DGKB: variants seen among roughly 807,000 people sequenced by gnomAD.
DGKB encodes diacylglycerol kinase beta.
DGKB carries 67 observed loss-of-function variants against 114.3 expected under a neutral mutation model. The ratio of observed to expected loss-of-function variants is 0.59; its 90% CI spans 0.48 to 0.72. The LOEUF (loss-of-function observed/expected upper bound fraction) is 0.72. Among genes scored for constraint, DGKB ranks in the 30% least tolerant of loss-of-function variants. The pLI is 0.00. For missense variants in DGKB, 907 were observed against 975.2 expected, an observed-to-expected ratio of 0.93 and a Z score of 0.93; for synonymous variants, 398 against 323.1, an observed-to-expected ratio of 1.23 and a Z score of -2.49.
At chr7:14,423,569 A>T (rs1827053864) in intron 21 of DGKB, among the ~76,000 whole-genome samples, 1 of 152,078 alleles carries the variant, frequency 6.6e-6, no homozygotes, top group Non-Finnish European at 1.5e-5. Flanking sequence ...AGTAGTTCAT[A>T]AAATTGGTTT....
At chr7:14,674,379 C>A (rs548206671) in intron 12 of DGKB, among the ~76,000 whole-genome samples, 12 of 152,186 alleles carry the variant, frequency 7.9e-5, no homozygotes, top group Middle Eastern at 3.4e-3. Flanking sequence ...ATACTCAGAG[C>A]AAATTAAAAG....
intron 23 of DGKB, among the ~76,000 whole-genome samples, chr7:14,240,937 C>G (rs1227469799): frequency 6.6e-6 from 1 of 152,072 alleles, no homozygotes; most frequent in Non-Finnish European, 1.5e-5. Context: ...AGCCTTTAGA[C>G]AGAATCTCTC....
chr7:14,811,580 A>G (rs1843438672), intron 2 of DGKB, among the ~76,000 whole-genome samples: 1 of 152,196 alleles, frequency 6.6e-6, no homozygotes, highest in Non-Finnish European at 1.5e-5. Context: ...TAATTATTCC[A>G]AATACATAAT....
intron 13 of DGKB, among the ~76,000 whole-genome samples, chr7:14,636,807 C>A (rs927657647): frequency 6.6e-6 from 1 of 151,932 alleles, no homozygotes; most frequent in South Asian, 2.1e-4. Context: ...GACAACAATT[C>A]GAAAAGCCCA....
intron 2 of DGKB, among the ~76,000 whole-genome samples, chr7:14,819,144 A>G (rs774992205): frequency 2.0e-5 from 3 of 151,046 alleles, no homozygotes; most frequent in Non-Finnish European, 4.4e-5. Flanking sequence ...TATTTTTTCC[A>G]CTCTCTTCCA....
At chr7:14,594,138 G>A (rs1002182422) in intron 17 of DGKB, among the ~76,000 whole-genome samples, 3 of 151,990 alleles carry the variant, frequency 2.0e-5, no homozygotes, top group Admixed American at 2.0e-4. Flanking sequence ...TTTTAACACT[G>A]AAGAACACAA....
At chr7:14,612,795 T>G (rs1157883332) in intron 16 of DGKB, among the ~76,000 whole-genome samples, 1 of 152,184 alleles carries the variant, frequency 6.6e-6, no homozygotes, top group African/African-American at 2.4e-5. Flanking sequence ...ATAATATGAT[T>G]TAATCATTCA....
At chr7:14,470,181 C>G (rs1781072344) in intron 21 of DGKB, among the ~76,000 whole-genome samples, 1 of 151,862 alleles carries the variant, frequency 6.6e-6, no homozygotes, top group South Asian at 2.1e-4. Flanking sequence ...ATGAAACTCT[C>G]ATGAAGATAT....
At chr7:14,663,648 TC>T in intron 13 of DGKB, among the ~76,000 whole-genome samples, 1 of 142,236 alleles carries the variant, frequency 7.0e-6, no homozygotes, top group Admixed American at 7.0e-5. Flanking sequence ...CTTCCTTCCT[TC>T]CCTCCTTCCC....
chr7:14,530,805 T>C (rs1791461506), intron 20 of DGKB, among the ~76,000 whole-genome samples: 3 of 151,602 alleles, frequency 2.0e-5, no homozygotes, highest in African/African-American at 7.2e-5. Context: ...TTGTATAGAA[T>C]GTCATTTTCT....
At chr7:14,290,729 A>G (rs1285779012) in intron 23 of DGKB, among the ~76,000 whole-genome samples, 1 of 152,208 alleles carries the variant, frequency 6.6e-6, no homozygotes, top group East Asian at 1.9e-4. Context: ...ACAAGCAAAG[A>G]TAACTGTCTC....
At chr7:14,186,235 A>G (rs1783409288) in intron 23 of DGKB, among the ~76,000 whole-genome samples, 1 of 152,244 alleles carries the variant, frequency 6.6e-6, no homozygotes, top group Admixed American at 6.5e-5. Flanking sequence ...AAAAGAAGAT[A>G]TACAAATGGC....
chr7:14,653,189 T>C (rs1814975467), intron 13 of DGKB, among the ~76,000 whole-genome samples: 1 of 149,072 alleles, frequency 6.7e-6, no homozygotes, highest in African/African-American at 2.5e-5. Flanking sequence ...CATGCTGCTA[T>C]AAAGACACAT....
At chr7:14,455,275 ATTTC>A (rs1167312124) in intron 21 of DGKB, among the ~76,000 whole-genome samples, 23 of 152,020 alleles carry the variant, frequency 1.5e-4, no homozygotes, top group Non-Finnish European at 2.2e-4. Context: ...ATTAAAATGC[ATTTC>A]ATTGGTGTGG....
At chr7:14,959,163 T>G (rs956438819) in intron 1 of DGKB, among the ~76,000 whole-genome samples, 1 of 148,702 alleles carries the variant, frequency 6.7e-6, no homozygotes, top group Non-Finnish European at 1.5e-5. Flanking sequence ...TTACCATTTG[T>G]TCAGTTATTT....
chr7:14,747,049 A>T (rs1440600797), intron 4 of DGKB, among the ~76,000 whole-genome samples: 2 of 152,212 alleles, frequency 1.3e-5, no homozygotes, highest in Non-Finnish European at 2.9e-5. Flanking sequence ...AGATGACATC[A>T]CATTATTTAT....
chr7:14,224,700 C>A (rs975769541), intron 23 of DGKB, among the ~76,000 whole-genome samples: 1 of 152,008 alleles, frequency 6.6e-6, no homozygotes, highest in Non-Finnish European at 1.5e-5. Context: ...ACCACCACCA[C>A]CAAATGCCCC....
intron 13 of DGKB, among the ~76,000 whole-genome samples, chr7:14,636,887 T>C (rs931252711): frequency 6.6e-6 from 1 of 151,908 alleles, no homozygotes; most frequent in Non-Finnish European, 1.5e-5. Flanking sequence ...GCTCAAGTTA[T>C]TACAGTAGCA....
intron 17 of DGKB, among the ~76,000 whole-genome samples, chr7:14,591,655 G>A (rs904523547): frequency 3.9e-5 from 6 of 151,960 alleles, no homozygotes; most frequent in South Asian, 4.2e-4. Flanking sequence ...TATAGTTAAC[G>A]ACACTTTTTT....
Sources: gnomAD v4.1 joint callset for allele counts (sites outside exome capture counted in the v4.1 genomes callset) on GRCh38, gnomAD v4.1.1 for gene constraint, MANE v1.5 for transcripts, NCBI Gene and HGNC (gene_info 2026-07-23, HGNC 2026-07-21) for gene names.